The following SHANK2 variants were observed in gnomAD, a reference collection of about 807,000 sequenced individuals.
SHANK2 encodes the protein SH3 and multiple ankyrin repeat domains protein 2.
Under a neutral mutation model 133.7 loss-of-function variants are expected in SHANK2, and 43 were observed. The observed-to-expected ratio is 0.32, with a 90% CI of 0.25 to 0.41. The LOEUF is 0.41. SHANK2 is among the 10% of genes least tolerant of loss of function. SHANK2 has a pLI of 1.00. For missense variants in SHANK2, 1,994 were observed against 2,235.8 expected (o/e 0.89, Z 2.18); for synonymous variants, 1,017 against 952.8 (o/e 1.07, Z -1.24).
intron 19 of SHANK2, 137 bp from the exon 20 acceptor site, chr11:70,502,068 C>T: frequency 1.5e-6 from 2 of 1,319,454 alleles, no homozygotes; most frequent in East Asian, 5.0e-5. Flanking sequence ...AGGGGCATTT[C>T]CTGATGCACG....
rs1948198315 is a variant in SHANK2 at position 71,252,272 on chromosome 11, A to G, written c.-113+153T>C. Among the ~76,000 whole-genome samples, 1 of 151,720 alleles carries G rather than the reference A, an allele frequency of 6.6e-6. No homozygotes were observed. The highest frequency in any genetic ancestry group is 6.5e-5 in the Admixed American group (1 of 15,276). ...CACTCCCCCCAGCGCCCACCTCTCC[A>G]GCCTCTCTGGGTCCAGGACTGCGCT... On this transcript the variant is annotated intron_variant, in intron 1 of 25. Coordinates refer to ENST00000601538, the MANE Select transcript of SHANK2 (RefSeq NM_012309.5). This position sits in a 1 kb window ranked among gnomAD's most constrained non-coding sequence, Gnocchi z 6.3.
At position 70,792,378 on chromosome 11, in the gene SHANK2, ACCAACCAG is replaced by A. The variant is rs1330014784; in HGVS notation, c.1777+6057_1777+6064del. Among the ~76,000 whole-genome samples, 8 of 146,444 alleles carry A rather than the reference ACCAACCAG, an allele frequency of 5.5e-5. No homozygotes were observed. In the East Asian group the frequency reaches 8.1e-4, roughly 15 times the overall value. The stretch of plus-strand genomic sequence containing the variant: ...AGCTAGCTAATTAACCAACCAACCA[ACCAACCAG>A]CCAACCAGCCAACCAACCAACCAAC... On this transcript the variant is annotated intron_variant, in intron 14 of 25. Transcript: ENST00000601538.
At chr11:70,806,909 GCA>G (rs1288113036) in intron 13 of SHANK2, 91 bp downstream of exon 13, 1 of 628,238 alleles carries the variant, frequency 1.6e-6, no homozygotes, top group African/African-American at 1.9e-5. Context: ...CCATGGAGAA[GCA>G]CAGCCTTGGA....
chr11:71,153,517 G>A (rs1952842799), intron 2 of SHANK2, among the ~76,000 whole-genome samples: 1 of 152,174 alleles, frequency 6.6e-6, no homozygotes, highest in African/African-American at 2.4e-5. Flanking sequence ...TGATGAAAAG[G>A]TAGACAGACT....
chr11:70,514,425 G>A (rs2059241327), intron 17 of SHANK2, among the ~76,000 whole-genome samples: 2 of 152,340 alleles, frequency 1.3e-5, no homozygotes, highest in East Asian at 3.9e-4. Context: ...ATGGCACAAA[G>A]GGTGCCACAA....
chr11:70,639,234 T>C (rs1221201258), intron 17 of SHANK2, among the ~76,000 whole-genome samples: 1 of 152,160 alleles, frequency 6.6e-6, no homozygotes, highest in Non-Finnish European at 1.5e-5. Flanking sequence ...GCTCCGCAAG[T>C]GCCTGAAAGG....
intron 14 of SHANK2, among the ~76,000 whole-genome samples, chr11:70,761,457 C>T (rs1946996584): frequency 1.3e-5 from 2 of 152,186 alleles, no homozygotes; most frequent in African/African-American, 4.8e-5. Flanking sequence ...GAGACATCAG[C>T]CTTCCCCAGA....
chr11:70,880,829 G>A (rs1648223103), intron 11 of SHANK2, among the ~76,000 whole-genome samples: 1 of 152,236 alleles, frequency 6.6e-6, no homozygotes, highest in Non-Finnish European at 1.5e-5. Flanking sequence ...CATCCTGAGA[G>A]GATAGAGCTC....
At chr11:71,177,972 T>C (rs1432017594) in intron 2 of SHANK2, among the ~76,000 whole-genome samples, 1 of 152,204 alleles carries the variant, frequency 6.6e-6, no homozygotes, top group East Asian at 1.9e-4. Flanking sequence ...CCTCATGCAC[T>C]GCTAGTAGAA....
chr11:71,112,962 C>T (rs1325636833), intron 5 of SHANK2, among the ~76,000 whole-genome samples: 5 of 152,338 alleles, frequency 3.3e-5, no homozygotes, highest in East Asian at 1.9e-4. Flanking sequence ...ACGGGGCTCA[C>T]TGTGGACCCG....
intron 21 of SHANK2, among the ~76,000 whole-genome samples, chr11:70,495,477 G>A (rs111921156): frequency 7.2e-5 from 11 of 152,236 alleles, no homozygotes; most frequent in Non-Finnish European, 2.9e-5. Flanking sequence ...AAATGGGGGC[G>A]CTAGGCAGTG....
At chr11:70,929,574 G>A (rs981773482) in intron 10 of SHANK2, among the ~76,000 whole-genome samples, 7 of 152,140 alleles carry the variant, frequency 4.6e-5, no homozygotes, top group Non-Finnish European at 2.9e-5. Context: ...AGACCAGCAT[G>A]GCAGCATCTT....
chr11:70,494,708 T>G (rs561828583), intron 21 of SHANK2, among the ~76,000 whole-genome samples: 1 of 152,308 alleles, frequency 6.6e-6, no homozygotes, highest in East Asian at 1.9e-4. Context: ...AGGGAGGTGT[T>G]TGCCGACCCC....
At chr11:70,776,388 G>A (rs1189680888) in intron 14 of SHANK2, among the ~76,000 whole-genome samples, 1 of 152,174 alleles carries the variant, frequency 6.6e-6, no homozygotes, top group African/African-American at 2.4e-5. Flanking sequence ...AGGCCACAGT[G>A]CATCTGGGTT....
chr11:70,572,953 C>T (rs2060064597), intron 17 of SHANK2, among the ~76,000 whole-genome samples: 2 of 152,178 alleles, frequency 1.3e-5, no homozygotes, highest in Admixed American at 1.3e-4. Context: ...TGGACATTCA[C>T]AGCAACTTTA....
rs1190510912 is a variant in SHANK2, at chr11:70,739,757, T to C, written c.1778-40994A>G. On this transcript the variant is annotated intron_variant, in intron 14 of 25. Coordinates refer to ENST00000601538, the MANE Select transcript of SHANK2 (RefSeq NM_012309.5). This position sits in a 1 kb window ranked among gnomAD's most constrained non-coding sequence, Gnocchi z 4.3. ...GGAGATAAGGTCTTTAAAGAGGTGATTAAGTTAAAACGAGGTACTGTGATG... is the reference window on the plus strand; with the variant it reads ...GGAGATAAGGTCTTTAAAGAGGTGACTAAGTTAAAACGAGGTACTGTGATG... 3.9e-5 allele frequency among the ~76,000 whole-genome samples: 6 copies of C among 152,154 alleles called. No individual in the cohort carries two copies. Among genetic ancestry groups the C allele is most frequent in the African/African-American group, 1.4e-4 (6 of 41,420 alleles).
chr11:70,732,101 C>A (rs1197744089), intron 14 of SHANK2, among the ~76,000 whole-genome samples: 1 of 152,186 alleles, frequency 6.6e-6, no homozygotes, highest in African/African-American at 2.4e-5. Flanking sequence ...CCTGTGGCCC[C>A]AGCCTCACCC....
chr11:70,727,723 T>G (rs1946204889), intron 14 of SHANK2, among the ~76,000 whole-genome samples: 1 of 152,088 alleles, frequency 6.6e-6, no homozygotes, highest in Non-Finnish European at 1.5e-5. Context: ...GGGTTAAGAC[T>G]CAGGATAGAG....
At chr11:70,645,666 A>G (rs956282123) in intron 17 of SHANK2, among the ~76,000 whole-genome samples, 1 of 152,214 alleles carries the variant, frequency 6.6e-6, no homozygotes, top group African/African-American at 2.4e-5. Flanking sequence ...CACCTGCCAC[A>G]GGCCCTCAGG....
Sources: allele counts gnomAD v4.1 joint callset (sites outside exome capture counted in the v4.1 genomes callset), GRCh38; gene constraint gnomAD v4.1.1; non-coding constraint Gnocchi (gnomAD v3.1); transcripts MANE v1.5; gene names NCBI Gene and HGNC (gene_info 2026-07-23, HGNC 2026-07-21).